ADARB2: variants seen among roughly 807,000 people sequenced by gnomAD.
The protein encoded by ADARB2 is inactive double-stranded RNA-specific editase B2.
ADARB2 carries 25 observed loss-of-function variants against 62.2 expected under a neutral mutation model. The observed-to-expected ratio is 0.40, with a 90% confidence interval of 0.29 to 0.56. ADARB2 has a LOEUF of 0.56. Ranked by LOEUF, ADARB2 falls within the 20% of genes least tolerant of loss-of-function variation. The probability of loss-of-function intolerance (pLI) is 0.43; values close to 1 mark genes in which losing one functional copy is unlikely to be tolerated. For synonymous variants in ADARB2, 572 were observed against 500.8 expected, an observed-to-expected ratio of 1.14 and a Z score of -1.90; for missense variants, 1,071 against 1,077.4, an observed-to-expected ratio of 0.99 and a Z score of 0.08.
intron 6 of ADARB2, among the ~76,000 whole-genome samples, chr10:1,231,786 A>G (rs1830806272): frequency 6.6e-6 from 1 of 152,182 alleles, no homozygotes; most frequent in South Asian, 2.1e-4. Context: ...GTATCCAGCC[A>G]TCCCAAAGGG....
intron 7 of ADARB2, among the ~76,000 whole-genome samples, chr10:1,215,125 A>AC (rs555522552): frequency 3.3e-5 from 5 of 151,620 alleles, no homozygotes; most frequent in East Asian, 3.9e-4. Flanking sequence ...CCCTGATGTC[A>AC]CCCCCCTGAC....
rs182442757 is a variant in ADARB2, at chr10:1,308,730, C to T, written c.1078-37661G>A. Among the ~76,000 whole-genome samples, 208 of 152,278 alleles carry T rather than the reference C, an allele frequency of 1.4e-3. 1 individual carries two copies. Among genetic ancestry groups the T allele is most frequent in the African/African-American group, 4.5e-3 (189 of 41,540 alleles). ...TGCTTTAATTTGCATTTCCAGGTAGCTAATTTTCCATCATATAATTTATTT... is the reference window on the plus strand; with the variant it reads ...TGCTTTAATTTGCATTTCCAGGTAGTTAATTTTCCATCATATAATTTATTT... On this transcript the variant is annotated intron_variant, in intron 3 of 9. Transcript: ENST00000381312.
intron 1 of ADARB2, among the ~76,000 whole-genome samples, chr10:1,625,999 C>T (rs553166278): frequency 1.6e-5 from 2 of 121,752 alleles, no homozygotes; most frequent in South Asian, 4.6e-4. Context: ...TGGACACAGG[C>T]CTCCACTGGA....
intron 3 of ADARB2, among the ~76,000 whole-genome samples, chr10:1,356,250 C>T (rs993400450): frequency 3.3e-5 from 5 of 152,150 alleles, no homozygotes; most frequent in African/African-American, 1.2e-4. Context: ...TGTGTGTGGC[C>T]ACAAAACCCA....
intron 1 of ADARB2, among the ~76,000 whole-genome samples, chr10:1,421,310 C>G (rs1832851264): frequency 6.6e-6 from 1 of 151,656 alleles, no homozygotes; most frequent in Non-Finnish European, 1.5e-5. Flanking sequence ...AGGACCTAAC[C>G]CCACCCACGC....
At chr10:1,409,294 G>T (rs1050599929) in intron 1 of ADARB2, among the ~76,000 whole-genome samples, 1 of 146,186 alleles carries the variant, frequency 6.8e-6, no homozygotes, top group Non-Finnish European at 1.5e-5. Flanking sequence ...CTCCCACTTC[G>T]TCAGTGCATT....
intron 1 of ADARB2, among the ~76,000 whole-genome samples, chr10:1,654,309 TC>T (rs1017754450): frequency 3.3e-5 from 5 of 152,042 alleles, no homozygotes; most frequent in African/African-American, 1.2e-4. Flanking sequence ...AGTGCACGCC[TC>T]CCCCGAGGGT....
At chr10:1,724,293 A>G (rs1377593832) in intron 1 of ADARB2, among the ~76,000 whole-genome samples, 1 of 152,218 alleles carries the variant, frequency 6.6e-6, no homozygotes, top group Non-Finnish European at 1.5e-5. Flanking sequence ...CATGAGGTGC[A>G]CAATTCTTGC....
At chr10:1,483,295 T>G (rs1260446342) in intron 1 of ADARB2, among the ~76,000 whole-genome samples, 1 of 152,214 alleles carries the variant, frequency 6.6e-6, no homozygotes, top group Non-Finnish European at 1.5e-5. Flanking sequence ...AAGTAGTTAT[T>G]TTGTTAGTCA....
At chr10:1,211,597 G>T (rs1210434141) in intron 7 of ADARB2, among the ~76,000 whole-genome samples, 1 of 152,178 alleles carries the variant, frequency 6.6e-6, no homozygotes, top group Non-Finnish European at 1.5e-5. Flanking sequence ...TTCTGGACGA[G>T]ACCATGGTAT....
intron 1 of ADARB2, among the ~76,000 whole-genome samples, chr10:1,540,053 G>C (rs910890546): frequency 3.9e-5 from 6 of 152,158 alleles, no homozygotes; most frequent in Non-Finnish European, 8.8e-5. Flanking sequence ...AATTAGAGGT[G>C]TAAGAGACAG....
chr10:1,213,105 TACAC>T (rs1837179341), intron 7 of ADARB2, among the ~76,000 whole-genome samples: 1 of 151,516 alleles, frequency 6.6e-6, no homozygotes, highest in Non-Finnish European at 1.5e-5. Context: ...AGAGATGAGA[TACAC>T]ACAGCCAGGG....
intron 2 of ADARB2, among the ~76,000 whole-genome samples, chr10:1,372,058 A>G (rs1046194387): frequency 1.3e-5 from 2 of 152,202 alleles, no homozygotes; most frequent in African/African-American, 4.8e-5. Flanking sequence ...CATGTAACCA[A>G]CCTAAATATC....
At chr10:1,604,794 A>G (rs1363235319) in intron 1 of ADARB2, among the ~76,000 whole-genome samples, 1 of 152,104 alleles carries the variant, frequency 6.6e-6, no homozygotes, top group East Asian at 1.9e-4. Flanking sequence ...GGTGTATTTT[A>G]TTTGGTTCTA....
intron 1 of ADARB2, among the ~76,000 whole-genome samples, chr10:1,617,206 GTCCAGACACACTCCA>G (rs1833650072): frequency 8.8e-5 from 11 of 124,860 alleles, no homozygotes; most frequent in Non-Finnish European, 1.0e-4. Context: ...TTGTGTGCCC[GTCCAGACACACTCCA>G]CACCGCCCTG....
chr10:1,732,325 A>AG (rs1364572163), intron 1 of ADARB2, among the ~76,000 whole-genome samples: 4 of 122,862 alleles, frequency 3.3e-5, no homozygotes, highest in African/African-American at 1.2e-4. Flanking sequence ...AAAAAAAAAA[A>AG]AAAAATTTCC....
At chr10:1,578,024 C>T (rs1833043356) in intron 1 of ADARB2, among the ~76,000 whole-genome samples, 1 of 152,220 alleles carries the variant, frequency 6.6e-6, no homozygotes, top group Non-Finnish European at 1.5e-5. Context: ...AGACTCCAGC[C>T]TCCAGGACTG....
chr10:1,229,862 G>GTGTGTGTGTGTA (rs149074965), intron 6 of ADARB2, among the ~76,000 whole-genome samples: 1 of 151,488 alleles, frequency 6.6e-6, no homozygotes, highest in African/African-American at 2.4e-5. Flanking sequence ...GTGTGTGTGT[G>GTGTGTGTGTGTA]TGTGTGGGTA....
At chr10:1,558,642 C>G (rs1373579903) in intron 1 of ADARB2, among the ~76,000 whole-genome samples, 1 of 139,298 alleles carries the variant, frequency 7.2e-6, no homozygotes, top group Non-Finnish European at 1.6e-5. Context: ...CACCTCTGCC[C>G]CCCTCCGTGG....
Sources: allele counts gnomAD v4.1 joint callset (sites outside exome capture counted in the v4.1 genomes callset), GRCh38; gene constraint gnomAD v4.1.1; transcripts MANE v1.5; gene names NCBI Gene and HGNC (gene_info 2026-07-23, HGNC 2026-07-21).